The following FNBP1L variants were observed in gnomAD, a reference collection of about 807,000 sequenced individuals.
The protein encoded by FNBP1L is formin binding protein 1 like.
A neutral mutation model predicts 91.2 loss-of-function variants in FNBP1L; 36 were observed. The observed-to-expected ratio is 0.39, with a 90% CI of 0.30 to 0.52. The LOEUF is 0.52. Ranked by LOEUF, FNBP1L falls within the 20% of genes least tolerant of loss-of-function variation. The pLI, the probability that FNBP1L is intolerant of heterozygous loss-of-function variation, is 0.66. For missense variants in FNBP1L, 571 were observed against 732.1 expected, an observed-to-expected ratio of 0.78 and a Z score of 2.54; for synonymous variants, 242 against 237.0, an observed-to-expected ratio of 1.02 and a Z score of -0.19.
intron 1 of FNBP1L, among the ~76,000 whole-genome samples, chr1:93,497,766 C>T (rs541944037): frequency 1.2e-4 from 18 of 152,078 alleles, no homozygotes; most frequent in African/African-American, 4.1e-4. Context: ...ACCACAGGTG[C>T]GTGCCACCAC....
intron 4 of FNBP1L, among the ~76,000 whole-genome samples, chr1:93,524,020 G>T (rs900469529): frequency 2.6e-5 from 4 of 151,990 alleles, no homozygotes; most frequent in African/African-American, 7.2e-5. Flanking sequence ...TCTGGAAATT[G>T]TATCTGTTTT....
At chr1:93,449,918 C>G (rs1465850664) in intron 1 of FNBP1L, among the ~76,000 whole-genome samples, 1 of 151,768 alleles carries the variant, frequency 6.6e-6, no homozygotes, top group Non-Finnish European at 1.5e-5. Flanking sequence ...TTTTTTCATG[C>G]CTACCAGAGT....
At chr1:93,481,913 A>G (rs1182016753) in intron 1 of FNBP1L, among the ~76,000 whole-genome samples, 5 of 152,216 alleles carry the variant, frequency 3.3e-5, no homozygotes, top group Non-Finnish European at 5.9e-5. Context: ...TAATCCCAGC[A>G]CTTTGGGAGG....
chr1:93,503,635 C>T lies in FNBP1L; in HGVS notation c.140+4052C>T, dbSNP rs1271172038. Among the ~76,000 whole-genome samples, 3 of 152,208 alleles carry T rather than the reference C, an allele frequency of 2.0e-5. No individual in the cohort carries two copies. The East Asian group carries it at 5.8e-4, about 29-fold the overall frequency. On this transcript the variant is annotated intron_variant, in intron 2 of 16. Transcript: ENST00000271234. ...GGATGGGAATAAATAGAAAATAAAG[C>T]ATCTAATTACATTTGGAGACATAGT...
intron 1 of FNBP1L, among the ~76,000 whole-genome samples, chr1:93,472,811 CAAAAAAAAAAAAAAAAAAAAAAAAA>C (rs57548632): frequency 2.1e-5 from 1 of 46,860 alleles, no homozygotes; most frequent in Non-Finnish European, 3.5e-5. Flanking sequence ...GACTCCATCT[CAAAAAAAAAAAAAAAAAAAAAAAAA>C]AAAAAAAAAA....
chr1:93,529,748 G>A lies in FNBP1L; in HGVS notation c.502G>A (p.Val168Ile), dbSNP rs1236535821. 6.6e-7 allele frequency: 1 copy of A among 1,509,316 alleles called. No individual in the cohort carries two copies. Among genetic ancestry groups the A allele is most frequent in the East Asian group, 2.5e-5 (1 of 39,460 alleles). The allele number at this position is 1,509,316 out of a possible 1,614,324, so 93.5% of individuals were successfully genotyped here. A position where few individuals can be genotyped will look rare whatever the true frequency, so the allele number is the denominator to read the frequency against. ...DNDTNATKAD[V>I]EKAKQQLNLR... ...TGATACTAATGCAACCAAGGCAGAT[G>A]TTGAAAAGGTAAGAAATACTCCAAA... Residue 168 changes from valine to isoleucine, a missense_variant, in exon 6 of 17, where the codon GTT (valine) becomes ATT (isoleucine). Transcript: ENST00000271234.
chr1:93,496,028 T>C (rs1036616985), intron 1 of FNBP1L, among the ~76,000 whole-genome samples: 2 of 152,136 alleles, frequency 1.3e-5, no homozygotes, highest in African/African-American at 4.8e-5. Flanking sequence ...ATCTGCAGGA[T>C]AGGCCCAGGG....
chr1:93,531,610 A>C (rs1209532226), intron 7 of FNBP1L, among the ~76,000 whole-genome samples: 1 of 152,212 alleles, frequency 6.6e-6, no homozygotes, highest in East Asian at 1.9e-4. Context: ...AAGAAAGCAC[A>C]GTGAGAGATA....
At chr1:93,510,403 T>G (rs936013384) in intron 2 of FNBP1L, among the ~76,000 whole-genome samples, 14 of 152,304 alleles carry the variant, frequency 9.2e-5, no homozygotes, top group African/African-American at 3.4e-4. Context: ...GGGTCCTGTC[T>G]GTTAGAAGGA....
chr1:93,492,111 T>C (rs1670112839), intron 1 of FNBP1L, among the ~76,000 whole-genome samples: 1 of 152,234 alleles, frequency 6.6e-6, no homozygotes, highest in African/African-American at 2.4e-5. Context: ...ACAGCACGCA[T>C]GATTTTGAGT....
At chr1:93,480,980 G>A (rs1381306256) in intron 1 of FNBP1L, among the ~76,000 whole-genome samples, 9 of 152,044 alleles carry the variant, frequency 5.9e-5, no homozygotes, top group African/African-American at 9.6e-5. Context: ...ATAATGGTTC[G>A]GGTAGAATTA....
At chr1:93,516,464 C>T (rs1179017479) in intron 2 of FNBP1L, among the ~76,000 whole-genome samples, 1 of 152,162 alleles carries the variant, frequency 6.6e-6, no homozygotes, top group Non-Finnish European at 1.5e-5. Context: ...CTTAATTGTC[C>T]ATCATCTGCT....
intron 2 of FNBP1L, among the ~76,000 whole-genome samples, chr1:93,501,498 A>G (rs1670438119): frequency 6.6e-5 from 10 of 152,066 alleles, no homozygotes; most frequent in Admixed American, 6.6e-4. Context: ...CACTCTCAAA[A>G]AGTGATCCAG....
chr1:93,491,400 A>G (rs200052760), intron 1 of FNBP1L, among the ~76,000 whole-genome samples: 1 of 149,472 alleles, frequency 6.7e-6, no homozygotes, highest in East Asian at 2.0e-4. Flanking sequence ...TTTTTTTCCC[A>G]CCCCAAAGAG....
chr1:93,511,118 C>T (rs1670823218), intron 2 of FNBP1L, among the ~76,000 whole-genome samples: 1 of 152,168 alleles, frequency 6.6e-6, no homozygotes, highest in Admixed American at 6.5e-5. Flanking sequence ...CACAAAGATA[C>T]TTCTCGAGAA....
intron 2 of FNBP1L, among the ~76,000 whole-genome samples, chr1:93,509,179 C>G (rs1393737389): frequency 6.6e-6 from 1 of 152,176 alleles, no homozygotes; most frequent in Non-Finnish European, 1.5e-5. Context: ...TTCCAAATCC[C>G]AGGGACTAAA....
At chr1:93,470,880 A>G (rs988219322) in intron 1 of FNBP1L, among the ~76,000 whole-genome samples, 1 of 151,994 alleles carries the variant, frequency 6.6e-6, no homozygotes. Context: ...CTCAAAAAAA[A>G]AAAAAAAAAG....
rs181963623 is a variant in FNBP1L at position 93,516,384 on chromosome 1, C to A, written c.141-5698C>A. Among the ~76,000 whole-genome samples the A allele has an allele frequency of 1.5e-4, 23 of 152,288 alleles. No homozygotes were observed. The East Asian group carries it at 4.4e-3, about 29-fold the overall frequency. ...TAAAAGCTCCCTCCTTGTCCACTTA[C>A]GGTGACTCAATACATTCAAGTTCCA... On this transcript the variant is annotated intron_variant, in intron 2 of 16. Transcript: ENST00000271234.
intron 1 of FNBP1L, among the ~76,000 whole-genome samples, chr1:93,491,044 A>G (rs58351576): frequency 0.028 from 4,303 of 151,708 alleles, 207 homozygotes; most frequent in African/African-American, 0.098. Flanking sequence ...GGCTCAAGCA[A>G]TCCTCCCACC....
Sources: allele counts gnomAD v4.1 joint callset (sites outside exome capture counted in the v4.1 genomes callset), GRCh38; gene constraint gnomAD v4.1.1; transcripts MANE v1.5; gene names NCBI Gene and HGNC (gene_info 2026-07-23, HGNC 2026-07-21).